THRB: variants seen among roughly 807,000 people sequenced by gnomAD.
THRB encodes the protein thyroid hormone receptor beta.
THRB carries 12 observed loss-of-function variants against 47.8 expected under a neutral mutation model. That is an observed-to-expected ratio of 0.25 (90% CI 0.16 to 0.41). The LOEUF is 0.41. THRB is among the 10% of genes least tolerant of loss of function. The pLI, the probability that THRB is intolerant of heterozygous loss-of-function variation, is 1.00. For synonymous variants in THRB, 218 were observed against 212.2 expected, an observed-to-expected ratio of 1.03 and a Z score of -0.24; for missense variants, 348 against 589.2, an observed-to-expected ratio of 0.59 and a Z score of 4.24.
At chr3:24,228,346 C>A (rs549786053) in intron 4 of THRB, among the ~76,000 whole-genome samples, 1 of 152,306 alleles carries the variant, frequency 6.6e-6, no homozygotes, top group South Asian at 2.1e-4. Context: ...TTATACCTTA[C>A]ATGACCTAAT....
chr3:24,336,112 C>CT (rs2062231946), intron 2 of THRB, among the ~76,000 whole-genome samples: 1 of 152,220 alleles, frequency 6.6e-6, no homozygotes, highest in African/African-American at 2.4e-5. Flanking sequence ...TTAGTGATCT[C>CT]TTTTTCTTGA....
rs114589848 is a variant in THRB, at chr3:24,373,765, C to G, written c.-260-36394G>C. On this transcript the variant is annotated intron_variant, in intron 1 of 10. Transcript: ENST00000646209. ...ATGAACTGTAACCTAGCTTAATAGT[C>G]AGATTGAAAACCTAACTTAGGAGTA... 4.4e-3 allele frequency among the ~76,000 whole-genome samples: 675 copies of G among 152,176 alleles called. 3 individuals are homozygous for G. Among genetic ancestry groups the G allele is most frequent in the Middle Eastern group, 0.02 (6 of 294 alleles).
intron 3 of THRB, among the ~76,000 whole-genome samples, chr3:24,282,688 C>G (rs2054746362): frequency 6.8e-6 from 1 of 147,650 alleles, no homozygotes; most frequent in Non-Finnish European, 1.5e-5. Flanking sequence ...AGACCGCTAG[C>G]AAGACTAATA....
intron 1 of THRB, among the ~76,000 whole-genome samples, chr3:24,433,464 T>C (rs1411271283): frequency 5.9e-5 from 9 of 152,072 alleles, no homozygotes; most frequent in African/African-American, 2.2e-4. Flanking sequence ...GTGTGGCCAC[T>C]AGAAGCTGAA....
At chr3:24,160,298 G>A (rs1294690010) in intron 5 of THRB, among the ~76,000 whole-genome samples, 1 of 152,178 alleles carries the variant, frequency 6.6e-6, no homozygotes, top group Non-Finnish European at 1.5e-5. Flanking sequence ...GGGAAGAGTT[G>A]GTGGAATTTG....
chr3:24,218,370 A>T (rs2046830279), intron 4 of THRB, among the ~76,000 whole-genome samples: 1 of 148,854 alleles, frequency 6.7e-6, no homozygotes, highest in African/African-American at 2.5e-5. Flanking sequence ...TTTAAAAAGA[A>T]AAGTCCTTAG....
At chr3:24,218,457 T>C (rs1342102409) in intron 4 of THRB, among the ~76,000 whole-genome samples, 1 of 151,304 alleles carries the variant, frequency 6.6e-6, no homozygotes, top group Admixed American at 6.6e-5. Flanking sequence ...AGACATGAAT[T>C]ATGGGAATGG....
At chr3:24,176,299 T>C (rs2149409177) in intron 5 of THRB, among the ~76,000 whole-genome samples, 2 of 152,318 alleles carry the variant, frequency 1.3e-5, no homozygotes, top group South Asian at 4.1e-4. Context: ...TTCACTGTAA[T>C]TCACAATGAT....
At chr3:24,398,791 C>A (rs968740181) in intron 1 of THRB, among the ~76,000 whole-genome samples, 1 of 152,032 alleles carries the variant, frequency 6.6e-6, no homozygotes, top group South Asian at 2.1e-4. Flanking sequence ...AAGTTTATTG[C>A]GGCACTATTC....
At chr3:24,420,051 A>C (rs888554203) in intron 1 of THRB, among the ~76,000 whole-genome samples, 1 of 151,902 alleles carries the variant, frequency 6.6e-6, no homozygotes, top group African/African-American at 2.4e-5. Context: ...GAACTTATTT[A>C]TCTTGCAGAG....
intron 4 of THRB, among the ~76,000 whole-genome samples, chr3:24,208,857 C>T (rs1476644759): frequency 6.6e-6 from 1 of 152,160 alleles, no homozygotes; most frequent in African/African-American, 2.4e-5. Flanking sequence ...TCTAATTAAA[C>T]TAAAGAGCTT....
At chr3:24,375,346 CATATAATATTAATA>C in intron 1 of THRB, among the ~76,000 whole-genome samples, 3 of 138,098 alleles carry the variant, frequency 2.2e-5, no homozygotes, top group African/African-American at 8.5e-5. Flanking sequence ...TATATTTAGA[CATATAATATTAATA>C]TATTATATTT....
intron 3 of THRB, among the ~76,000 whole-genome samples, chr3:24,239,962 C>T (rs10212213): frequency 0.73 from 110,308 of 152,130 alleles, 40,946 homozygotes; most frequent in African/African-American, 0.89. Flanking sequence ...AACAGCTTGA[C>T]AGGTGGATTT....
At chr3:24,245,988 T>C (rs1372154376) in intron 3 of THRB, among the ~76,000 whole-genome samples, 3 of 152,150 alleles carry the variant, frequency 2.0e-5, no homozygotes, top group African/African-American at 7.2e-5. Context: ...GTGTAGTTTA[T>C]TGGGTTGGTA....
At chr3:24,142,789 A>G (rs568151936) in intron 8 of THRB, among the ~76,000 whole-genome samples, 11 of 152,218 alleles carry the variant, frequency 7.2e-5, no homozygotes, top group Non-Finnish European at 1.2e-4. Context: ...CAAGCGGCTT[A>G]AGGCCTTGGG....
intron 1 of THRB, among the ~76,000 whole-genome samples, chr3:24,492,022 A>C (rs1454339277): frequency 1.3e-5 from 2 of 152,258 alleles, no homozygotes; most frequent in Non-Finnish European, 1.5e-5. Context: ...ATAAAGAGTG[A>C]ACCATATAAG....
intron 5 of THRB, among the ~76,000 whole-genome samples, chr3:24,163,399 T>C (rs2039180331): frequency 6.6e-6 from 1 of 152,152 alleles, no homozygotes; most frequent in South Asian, 2.1e-4. Context: ...TTTAACATTT[T>C]ATAAGCAAAT....
chr3:24,248,108 A>G (rs1559727191), intron 3 of THRB, among the ~76,000 whole-genome samples: 1 of 152,128 alleles, frequency 6.6e-6, no homozygotes, highest in African/African-American at 2.4e-5. Flanking sequence ...TCAGAAAATT[A>G]GAACTTCTAT....
chr3:24,440,742 G>C (rs2071443397), intron 1 of THRB, among the ~76,000 whole-genome samples: 1 of 152,138 alleles, frequency 6.6e-6, no homozygotes, highest in Non-Finnish European at 1.5e-5. Context: ...CTGAGGGGGT[G>C]AAAGGGATGA....
Sources: allele counts gnomAD v4.1 joint callset (sites outside exome capture counted in the v4.1 genomes callset), GRCh38; gene constraint gnomAD v4.1.1; transcripts MANE v1.5; gene names NCBI Gene and HGNC (gene_info 2026-07-23, HGNC 2026-07-21).